The following SCUBE1 variants were observed in gnomAD, a reference collection of about 807,000 sequenced individuals.
The protein encoded by SCUBE1 is signal peptide, CUB and EGF-like domain-containing protein 1.
In SCUBE1, 59 loss-of-function variants were observed where a neutral mutation model predicts 124.4. The observed-to-expected ratio is 0.47, with a 90% CI of 0.38 to 0.59. The LOEUF is 0.59. SCUBE1 is among the 20% of genes least tolerant of loss of function. The probability of loss-of-function intolerance (pLI) is 0.00; values close to 1 mark genes in which losing one functional copy is unlikely to be tolerated. For missense variants in SCUBE1, 1,150 were observed against 1,371.2 expected (o/e 0.84, Z 2.55); for synonymous variants, 545 against 550.9 (o/e 0.99, Z 0.15).
chr22:43,247,028 C>T (rs2146694486), intron 6 of SCUBE1, among the ~76,000 whole-genome samples: 1 of 152,352 alleles, frequency 6.6e-6, no homozygotes, highest in South Asian at 2.1e-4. Context: ...GTCTCCAGGG[C>T]TCCCGTCAGC....
intron 4 of SCUBE1, among the ~76,000 whole-genome samples, chr22:43,285,844 A>G (rs181616148): frequency 1.8e-3 from 274 of 152,332 alleles, no homozygotes; most frequent in Non-Finnish European, 3.2e-3. Context: ...CAGCCGATGA[A>G]TGAGGGACGA....
At chr22:43,331,249 A>G (rs1303596915) in intron 2 of SCUBE1, among the ~76,000 whole-genome samples, 4 of 152,174 alleles carry the variant, frequency 2.6e-5, no homozygotes, top group Non-Finnish European at 4.4e-5. Context: ...GGAAGTGATT[A>G]TTTACATTCA....
At chr22:43,276,177 G>A (rs80020170) in intron 4 of SCUBE1, among the ~76,000 whole-genome samples, 3,261 of 152,328 alleles carry the variant, frequency 0.021, 132 homozygotes, top group East Asian at 0.2. Context: ...TGGGCAGGTG[G>A]GAATTCTGTA....
At chr22:43,207,680 C>T in intron 20 of SCUBE1, 67 bp from the exon 21 acceptor site, 2 of 1,217,396 alleles carry the variant, frequency 1.6e-6, no homozygotes, top group South Asian at 1.2e-5. Context: ...CCCCTTTCAC[C>T]TCCAGCCTCT....
rs1165829467 is a variant in SCUBE1 at position 43,200,650 on chromosome 22, GGAGACTCA to G, written c.*3339_*3346del. On this transcript the variant is annotated 3_prime_UTR_variant, in exon 22 of 22. Coordinates refer to ENST00000360835, the MANE Select transcript of SCUBE1 (RefSeq NM_173050.5). ...AAGTTCCCTGGTGTGAGACTGATGTGGAGACTCAAGACAGAGCCCAACCCTGGAATTCA... is the reference window on the plus strand; with the variant it reads ...AAGTTCCCTGGTGTGAGACTGATGTGAGACAGAGCCCAACCCTGGAATTCA... 6 of 152,384 alleles carry G rather than the reference GGAGACTCA, an allele frequency of 3.9e-5. No individual in the cohort carries two copies. The highest frequency in any genetic ancestry group is 1.4e-4 in the African/African-American group (6 of 41,472). 9.4% of individuals were successfully genotyped at this position (152,384 alleles called of 1,614,324 possible).
At chr22:43,230,664 C>T (rs539288176) in intron 8 of SCUBE1, among the ~76,000 whole-genome samples, 119 of 152,340 alleles carry the variant, frequency 7.8e-4, no homozygotes, top group Non-Finnish European at 7.9e-4. Flanking sequence ...CCTGTCTAGA[C>T]CTCAGGCCCT....
chr22:43,337,015 C>CA (rs1199841305), intron 2 of SCUBE1, among the ~76,000 whole-genome samples: 1 of 151,916 alleles, frequency 6.6e-6, no homozygotes, highest in Non-Finnish European at 1.5e-5. Flanking sequence ...AGGTGTTGTT[C>CA]AGTGTTTCAG....
At chr22:43,275,325 G>C (rs116083966) in intron 4 of SCUBE1, among the ~76,000 whole-genome samples, 7 of 152,226 alleles carry the variant, frequency 4.6e-5, no homozygotes, top group Non-Finnish European at 1.0e-4. Flanking sequence ...CTCTCCTGGC[G>C]GTGGGCTGGG....
chr22:43,280,704 TTCCTCCTCGGCCA>T (rs1924766423), intron 4 of SCUBE1, among the ~76,000 whole-genome samples: 2 of 65,866 alleles, frequency 3.0e-5, no homozygotes, highest in African/African-American at 1.4e-4. Context: ...CCCCACCACC[TTCCTCCTCGGCCA>T]CCCTCCTGTC....
In SCUBE1 at chr22:43,210,924, T is replaced by C. The variant is rs1308116183; in HGVS notation, c.2381A>G (p.Lys794Arg). 6.2e-7 allele frequency: 1 copy of C among 1,614,012 alleles called. No homozygotes were observed. Among genetic ancestry groups the C allele is most frequent in the Non-Finnish European group, 8.5e-7 (1 of 1,179,974 alleles). ...FDGSTNVTHC[K>R]NQHCGGELGD... ...CACGGCAGAGCAGCAGCACCCACTT[T>C]TGCAGTGTGTGACGTTGGTGGAGCC... The change falls in exon 18 of 22, where the codon AAA (lysine) becomes AGA (arginine). Residue 794 changes from lysine (K) to arginine (R), a missense_variant and splice_region_variant. By Grantham distance (26) the Lys-to-Arg change is conservative. Transcript: ENST00000360835. The surrounding 1 kb of genome is among the most constrained non-coding windows in gnomAD (Gnocchi z 4.5).
intron 2 of SCUBE1, among the ~76,000 whole-genome samples, chr22:43,327,654 G>T (rs1569032846): frequency 6.6e-6 from 1 of 152,086 alleles, no homozygotes; most frequent in Non-Finnish European, 1.5e-5. Flanking sequence ...AGGCATGGTG[G>T]TGCATGCCTG....
At chr22:43,320,837 T>C (rs1926517846) in intron 2 of SCUBE1, among the ~76,000 whole-genome samples, 1 of 152,172 alleles carries the variant, frequency 6.6e-6, no homozygotes, top group East Asian at 1.9e-4. Context: ...GTGGCACAAA[T>C]GGGATTCGAA....
intron 2 of SCUBE1, among the ~76,000 whole-genome samples, chr22:43,331,036 T>C (rs1926887111): frequency 6.6e-6 from 1 of 152,182 alleles, no homozygotes; most frequent in Admixed American, 6.5e-5. Flanking sequence ...TGTGTAATAA[T>C]GATGATGAAA....
intron 14 of SCUBE1, 83 bp from the exon 15 acceptor site, chr22:43,218,541 A>C (rs959369656): frequency 6.7e-5 from 98 of 1,471,648 alleles, no homozygotes; most frequent in Non-Finnish European, 8.4e-5. Context: ...CCCCCGTGCC[A>C]GGCCCTGCAC....
chr22:43,286,156 C>T (rs571898810), intron 4 of SCUBE1, among the ~76,000 whole-genome samples: 4 of 152,348 alleles, frequency 2.6e-5, no homozygotes, highest in African/African-American at 9.6e-5. Flanking sequence ...TGAATAAGAG[C>T]CCGTGTTTAT....
chr22:43,278,368 G>A (rs1924619593), intron 4 of SCUBE1, among the ~76,000 whole-genome samples: 1 of 152,256 alleles, frequency 6.6e-6, no homozygotes, highest in East Asian at 1.9e-4. Context: ...CTGAGGCTGG[G>A]ATGGGATTCG....
chr22:43,298,863 T>C (rs373455883), intron 3 of SCUBE1, among the ~76,000 whole-genome samples: 75 of 152,062 alleles, frequency 4.9e-4, no homozygotes, highest in African/African-American at 1.6e-3. Flanking sequence ...CCATCCTGGC[T>C]AACACGGTGA....
At chr22:43,291,244 G>T in intron 3 of SCUBE1, 64 bp from the exon 4 acceptor site, 2 of 1,553,700 alleles carry the variant, frequency 1.3e-6, no homozygotes, top group Non-Finnish European at 1.8e-6. Flanking sequence ...GGCATGAGGG[G>T]CTGGCGGGAC....
At chr22:43,278,488 C>T (rs1569008229) in intron 4 of SCUBE1, among the ~76,000 whole-genome samples, 2 of 152,210 alleles carry the variant, frequency 1.3e-5, no homozygotes, top group Middle Eastern at 3.2e-3. Context: ...GTCTCTGGCC[C>T]TGCAGGAGCC....
Sources: allele counts gnomAD v4.1 joint callset (sites outside exome capture counted in the v4.1 genomes callset), GRCh38; gene constraint gnomAD v4.1.1; non-coding constraint Gnocchi (gnomAD v3.1); transcripts MANE v1.5; gene names NCBI Gene and HGNC (gene_info 2026-07-23, HGNC 2026-07-21).